The following PPM1L variants were observed in gnomAD, a reference collection of about 807,000 sequenced individuals.
PPM1L encodes protein phosphatase, Mg2+/Mn2+ dependent 1L, also known as protein phosphatase 1L.
PPM1L carries 13 observed loss-of-function variants against 31.4 expected under a neutral mutation model. The ratio of observed to expected loss-of-function variants is 0.41; its 90% CI spans 0.27 to 0.66. The LOEUF is 0.66. Among genes scored for constraint, PPM1L ranks in the 30% least tolerant of loss-of-function variants. The pLI is 0.29. For missense variants in PPM1L, 326 were observed against 453.7 expected (o/e 0.72, Z 2.56); for synonymous variants, 184 against 175.4 (o/e 1.05, Z -0.39).
chr3:160,830,705 T>C (rs114087116), intron 1 of PPM1L, among the ~76,000 whole-genome samples: 1,764 of 152,278 alleles, frequency 0.012, 30 homozygotes, highest in African/African-American at 0.04. Flanking sequence ...TGGAGAAAAC[T>C]ATGACCTAAA....
At chr3:160,837,324 GAAAC>G (rs1713749909) in intron 1 of PPM1L, among the ~76,000 whole-genome samples, 1 of 152,106 alleles carries the variant, frequency 6.6e-6, no homozygotes, top group East Asian at 1.9e-4. Flanking sequence ...AAAAAAATAA[GAAAC>G]AAAAATGATA....
chr3:160,966,746 G>A (rs955497095), intron 2 of PPM1L, among the ~76,000 whole-genome samples: 3 of 152,172 alleles, frequency 2.0e-5, no homozygotes, highest in East Asian at 3.9e-4. Flanking sequence ...AAAACAGTAA[G>A]TAGTGAGAGC....
intron 1 of PPM1L, among the ~76,000 whole-genome samples, chr3:160,821,240 A>G (rs1272454694): frequency 6.7e-6 from 1 of 148,532 alleles, no homozygotes; most frequent in Non-Finnish European, 1.5e-5. Flanking sequence ...TAAAAAACAT[A>G]TAATTATATG....
intron 1 of PPM1L, among the ~76,000 whole-genome samples, chr3:160,943,201 A>G (rs1474899548): frequency 6.6e-6 from 1 of 152,206 alleles, no homozygotes; most frequent in Non-Finnish European, 1.5e-5. Flanking sequence ...AACCAAACTC[A>G]TATGCAGGAG....
chr3:160,912,220 G>A (rs1268785419), intron 1 of PPM1L, among the ~76,000 whole-genome samples: 1 of 152,156 alleles, frequency 6.6e-6, no homozygotes, highest in African/African-American at 2.4e-5. Context: ...CTTTCTGTGA[G>A]CTTTCCCTAA....
intron 1 of PPM1L, among the ~76,000 whole-genome samples, chr3:160,758,726 A>T (rs1429007260): frequency 6.6e-6 from 1 of 152,240 alleles, no homozygotes; most frequent in Non-Finnish European, 1.5e-5. Flanking sequence ...AAGGGACACG[A>T]TAAATGCTTT....
chr3:160,914,044 C>G (rs1169231680), intron 1 of PPM1L, among the ~76,000 whole-genome samples: 2 of 152,082 alleles, frequency 1.3e-5, no homozygotes, highest in African/African-American at 4.8e-5. Flanking sequence ...TTTTCTTATT[C>G]CTACCAGTAG....
At chr3:160,837,270 G>C (rs543683915) in intron 1 of PPM1L, among the ~76,000 whole-genome samples, 5 of 152,058 alleles carry the variant, frequency 3.3e-5, no homozygotes, top group Non-Finnish European at 5.9e-5. Flanking sequence ...CTTTGCATAA[G>C]ACCATCTGGG....
At position 160,903,148 on chromosome 3, in the gene PPM1L, A is replaced by G. The variant is rs77694520; in HGVS notation, c.400-58588A>G. Among the ~76,000 whole-genome samples, 171 of 133,458 alleles carry G rather than the reference A, an allele frequency of 1.3e-3. 4 individuals are homozygous for G. The East Asian group carries it at 0.044, about 34-fold the overall frequency. The allele number at this position is 133,458 out of a possible 152,430, so 87.6% of individuals were successfully genotyped here. The stretch of plus-strand genomic sequence containing the variant: ...TAGCTGTGTCAGTCAGGGTTGTCCA[A>G]AGAAATAGAAGCAATAGTGTGTGTG... On this transcript the variant is annotated intron_variant, in intron 1 of 3. Coordinates refer to ENST00000498165, the MANE Select transcript of PPM1L (RefSeq NM_139245.4).
intron 3 of PPM1L, among the ~76,000 whole-genome samples, 197 bp downstream of exon 3, chr3:161,065,761 C>T (rs1312694413): frequency 6.6e-6 from 1 of 152,150 alleles, no homozygotes; most frequent in East Asian, 1.9e-4. Flanking sequence ...GCCAAAGATT[C>T]CAAAAGAACT....
At chr3:160,966,660 G>A (rs62280332) in intron 2 of PPM1L, among the ~76,000 whole-genome samples, 9,376 of 152,132 alleles carry the variant, frequency 0.062, 391 homozygotes, top group African/African-American at 0.081. Flanking sequence ...CTAGAGGATA[G>A]ACTTCAGAAA....
chr3:160,925,451 A>T (rs995035156), intron 1 of PPM1L, among the ~76,000 whole-genome samples: 1 of 152,216 alleles, frequency 6.6e-6, no homozygotes, highest in Non-Finnish European at 1.5e-5. Flanking sequence ...TGAGTTTGGC[A>T]TATTGTTCTA....
At chr3:160,801,128 TACACACACACACACACACAC>T (rs10575984) in intron 1 of PPM1L, among the ~76,000 whole-genome samples, 1 of 145,590 alleles carries the variant, frequency 6.9e-6, no homozygotes, top group African/African-American at 2.5e-5. Context: ...TGTTTAGTGA[TACACACACACACACACACAC>T]ACACACACAC....
At chr3:161,059,449 G>A (rs542322329) in intron 2 of PPM1L, among the ~76,000 whole-genome samples, 2 of 152,244 alleles carry the variant, frequency 1.3e-5, no homozygotes, top group African/African-American at 2.4e-5. Flanking sequence ...GCTGGACAAT[G>A]GTGTTGTCCA....
At chr3:160,990,545 G>A (rs1052976637) in intron 2 of PPM1L, among the ~76,000 whole-genome samples, 1 of 152,186 alleles carries the variant, frequency 6.6e-6, no homozygotes, top group Non-Finnish European at 1.5e-5. Context: ...AGCTGCAAAT[G>A]AAGACTAACA....
rs78635242 is a variant in PPM1L, at chr3:160,770,057, C to T, written c.399+13350C>T. Reference sequence around the variant, plus strand: ...AGACCATCTTTTCATTATGTTTTCTCATCTGATTATTGTCAATTTATAAAA... The same window carrying T: ...AGACCATCTTTTCATTATGTTTTCTTATCTGATTATTGTCAATTTATAAAA... On this transcript the variant is annotated intron_variant, in intron 1 of 3. Coordinates refer to ENST00000498165, the MANE Select transcript of PPM1L (RefSeq NM_139245.4). Among the ~76,000 whole-genome samples, 701 of 152,274 alleles carry T rather than the reference C, an allele frequency of 4.6e-3. 7 individuals are homozygous for T. The highest frequency in any genetic ancestry group is 0.016 in the African/African-American group (666 of 41,560).
intron 1 of PPM1L, among the ~76,000 whole-genome samples, chr3:160,771,570 T>TAAA (rs1164086246): frequency 3.3e-4 from 46 of 139,332 alleles, no homozygotes; most frequent in South Asian, 1.6e-3. Context: ...TTTTTTTTTT[T>TAAA]AAAAAGAGCA....
chr3:161,004,154 G>A (rs1485868764), intron 2 of PPM1L, among the ~76,000 whole-genome samples: 83 of 145,378 alleles, frequency 5.7e-4, no homozygotes, highest in Non-Finnish European at 8.5e-4. Flanking sequence ...ATTGATTTGC[G>A]TATATTGAAC....
At chr3:160,813,648 T>A (rs1712881273) in intron 1 of PPM1L, among the ~76,000 whole-genome samples, 1 of 152,202 alleles carries the variant, frequency 6.6e-6, no homozygotes, top group South Asian at 2.1e-4. Flanking sequence ...CCTGCATTAC[T>A]TCTATAACCA....
Sources: gnomAD v4.1 joint callset for allele counts (sites outside exome capture counted in the v4.1 genomes callset) on GRCh38, gnomAD v4.1.1 for gene constraint, MANE v1.5 for transcripts, NCBI Gene and HGNC (gene_info 2026-07-23, HGNC 2026-07-21) for gene names.